The following ST3GAL1 variants were observed in gnomAD, a reference collection of about 807,000 sequenced individuals.
The protein encoded by ST3GAL1 is CMP-N-acetylneuraminate-beta-galactosamide-alpha-2,3-sialyltransferase 1.
In ST3GAL1, 16 loss-of-function variants were observed where a neutral mutation model predicts 34.1. The ratio of observed to expected loss-of-function variants is 0.47; its 90% CI spans 0.32 to 0.71. ST3GAL1 has a LOEUF of 0.71. Among genes scored for constraint, ST3GAL1 ranks in the 30% least tolerant of loss-of-function variants. ST3GAL1 has a pLI of 0.04. For missense variants in ST3GAL1, 353 were observed against 447.4 expected, an observed-to-expected ratio of 0.79 and a Z score of 1.90; for synonymous variants, 191 against 184.7, an observed-to-expected ratio of 1.03 and a Z score of -0.28.
chr8:133,565,681 T>C (rs1357739626), intron 1 of ST3GAL1, among the ~76,000 whole-genome samples: 1 of 152,240 alleles, frequency 6.6e-6, no homozygotes, highest in African/African-American at 2.4e-5. Flanking sequence ...TTCTTATCAA[T>C]AAGGCAGGTT....
At position 133,475,752 on chromosome 8, in the gene ST3GAL1, C is replaced by A. The variant is rs145807165; in HGVS notation, c.273G>T (p.Ala91=). 566 of 1,609,014 alleles carry A rather than the reference C, an allele frequency of 3.5e-4. 1 individual carries two copies. The South Asian group carries it at 5.4e-3, about 15-fold the overall frequency. The change falls in exon 5 of 10, where the codon GCG becomes GCT. Residue 91 remains alanine (A), a synonymous_variant. Transcript: ENST00000522652. ...ATCGGTAGGTGTCGTCCTCCAAGAGCGCGTTCTGGGCGGTCAGCAGCGGCT... is the reference window on the plus strand; with the variant it reads ...ATCGGTAGGTGTCGTCCTCCAAGAGAGCGTTCTGGGCGGTCAGCAGCGGCT... ...TMQPLLTAQN[A]LLEDDTYRWW...
intron 2 of ST3GAL1, among the ~76,000 whole-genome samples, chr8:133,514,760 G>A (rs1023558074): frequency 6.6e-5 from 10 of 152,054 alleles, no homozygotes; most frequent in African/African-American, 1.9e-4. Context: ...GGAGGGTCAG[G>A]GTTCAGACAT....
intron 2 of ST3GAL1, among the ~76,000 whole-genome samples, chr8:133,532,727 GA>G: frequency 6.6e-6 from 1 of 152,146 alleles, no homozygotes; most frequent in Non-Finnish European, 1.5e-5. Context: ...GTGGTGTTCT[GA>G]GGAGGACACG....
intron 2 of ST3GAL1, among the ~76,000 whole-genome samples, chr8:133,519,090 G>T (rs1233912795): frequency 1.3e-5 from 2 of 151,970 alleles, no homozygotes; most frequent in East Asian, 3.9e-4. Context: ...GTAGGGAAAG[G>T]GAGGACAGAG....
At chr8:133,493,859 A>AG (rs1816859940) in intron 3 of ST3GAL1, among the ~76,000 whole-genome samples, 1 of 150,818 alleles carries the variant, frequency 6.6e-6, no homozygotes, top group African/African-American at 2.4e-5. Context: ...AAAAAAAAAA[A>AG]AAAAGAGAGA....
In ST3GAL1 at chr8:133,483,980, C is replaced by T. The variant is rs138884023; in HGVS notation, c.-373-7380G>A. Among the ~76,000 whole-genome samples, 54 of 152,296 alleles carry T rather than the reference C, an allele frequency of 3.5e-4. 1 individual carries two copies. The East Asian group carries it at 8.3e-3, about 23-fold the overall frequency. On this transcript the variant is annotated intron_variant, in intron 3 of 9. Coordinates refer to ENST00000522652, the MANE Select transcript of ST3GAL1 (RefSeq NM_173344.3). ...CAGATGCATTGTCTTCTGAAGTATC[C>T]AAGATTTACACATCCGCAGGAAAGC...
intron 6 of ST3GAL1, among the ~76,000 whole-genome samples, chr8:133,465,400 C>T (rs1815695996): frequency 6.6e-6 from 1 of 152,184 alleles, no homozygotes; most frequent in Non-Finnish European, 1.5e-5. Context: ...GGCCAGCCCC[C>T]ACCCCTGCAC....
At chr8:133,473,801 T>C (rs1816056865) in intron 5 of ST3GAL1, among the ~76,000 whole-genome samples, 1 of 152,240 alleles carries the variant, frequency 6.6e-6, no homozygotes, top group Non-Finnish European at 1.5e-5. Context: ...CCAGTGATGC[T>C]GCTAAACATC....
At chr8:133,562,639 AC>A (rs1819261420) in intron 1 of ST3GAL1, among the ~76,000 whole-genome samples, 1 of 152,064 alleles carries the variant, frequency 6.6e-6, no homozygotes, top group Admixed American at 6.6e-5. Context: ...TGAGCTCTTG[AC>A]CACTGGCAGT....
rs34005317 is a variant in ST3GAL1 at position 133,499,412 on chromosome 8, C to G, written c.-428-223G>C. 0.23 allele frequency: 34,270 copies of G among 152,092 alleles called. 4,045 individuals are homozygous for G. Among genetic ancestry groups the G allele is most frequent in the East Asian group, 0.33 (1,710 of 5,144 alleles). 9.4% of individuals were successfully genotyped at this position (152,092 alleles called of 1,614,324 possible). On this transcript the variant is annotated intron_variant, in intron 2 of 9. Coordinates refer to ENST00000522652, the MANE Select transcript of ST3GAL1 (RefSeq NM_173344.3). ...GGACCTACGTGCAGAAGCTTCCTGT[C>G]CCAAACTGCAAACAGAAAGCTCTGA...
intron 2 of ST3GAL1, among the ~76,000 whole-genome samples, chr8:133,523,593 T>G (rs1817873741): frequency 6.6e-6 from 1 of 152,212 alleles, no homozygotes; most frequent in African/African-American, 2.4e-5. Flanking sequence ...TGGCCACTTG[T>G]CCTGCTCTGT....
At chr8:133,501,825 A>C (rs1817166161) in intron 2 of ST3GAL1, among the ~76,000 whole-genome samples, 2 of 152,210 alleles carry the variant, frequency 1.3e-5, no homozygotes, top group South Asian at 4.1e-4. Context: ...AATACGTAGG[A>C]ATAGCCACAG....
chr8:133,486,798 G>A (rs961803296), intron 3 of ST3GAL1, among the ~76,000 whole-genome samples: 3 of 152,186 alleles, frequency 2.0e-5, no homozygotes, highest in African/African-American at 4.8e-5. Context: ...CAGCAGCCAC[G>A]GAGCACAGCG....
chr8:133,518,564 G>A (rs990302252), intron 2 of ST3GAL1, among the ~76,000 whole-genome samples: 1 of 152,178 alleles, frequency 6.6e-6, no homozygotes, highest in African/African-American at 2.4e-5. Context: ...ATACCAATTA[G>A]TCAAGGACTT....
At chr8:133,523,168 G>A (rs1032344551) in intron 2 of ST3GAL1, among the ~76,000 whole-genome samples, 1 of 152,160 alleles carries the variant, frequency 6.6e-6, no homozygotes, top group Non-Finnish European at 1.5e-5. Context: ...GGGGAGTTGC[G>A]TGGCTTCTGG....
chr8:133,498,223 G>C (rs766965792), intron 3 of ST3GAL1, among the ~76,000 whole-genome samples: 62 of 152,248 alleles, frequency 4.1e-4, no homozygotes, highest in Non-Finnish European at 7.6e-4. Flanking sequence ...CCTGACTGCT[G>C]TGTGCCTGCT....
At chr8:133,484,904 T>G (rs1196858001) in intron 3 of ST3GAL1, among the ~76,000 whole-genome samples, 1 of 152,198 alleles carries the variant, frequency 6.6e-6, no homozygotes, top group Non-Finnish European at 1.5e-5. Flanking sequence ...TCCCTGGGTA[T>G]CACGCACTGG....
chr8:133,502,576 C>T (rs899877879), intron 2 of ST3GAL1, among the ~76,000 whole-genome samples: 2 of 152,196 alleles, frequency 1.3e-5, no homozygotes, highest in Admixed American at 1.3e-4. Context: ...CTTGGGCTTC[C>T]AGCTTCCAGA....
At chr8:133,562,060 A>G (rs529949961) in intron 1 of ST3GAL1, among the ~76,000 whole-genome samples, 11 of 152,180 alleles carry the variant, frequency 7.2e-5, no homozygotes, top group African/African-American at 2.6e-4. Context: ...AGCCCAGGCA[A>G]CAGAGCAAGA....
Sources: gnomAD v4.1 joint callset for allele counts (sites outside exome capture counted in the v4.1 genomes callset) on GRCh38, gnomAD v4.1.1 for gene constraint, MANE v1.5 for transcripts, NCBI Gene and HGNC (gene_info 2026-07-23, HGNC 2026-07-21) for gene names.